Variants in HIVEP1 observed in about 807,000 individuals in gnomAD.
HIVEP1 encodes HIVEP zinc finger 1, also known as zinc finger protein 40.
HIVEP1 carries 36 observed loss-of-function variants against 180.0 expected under a neutral mutation model. The observed-to-expected ratio is 0.20, with a 90% CI of 0.15 to 0.26. HIVEP1 has a LOEUF of 0.26. HIVEP1 is among the 10% of genes least tolerant of loss of function. HIVEP1 has a pLI of 1.00. For synonymous variants in HIVEP1, 1,239 were observed against 1,239.0 expected (o/e 1.00, Z 0.00); for missense variants, 3,143 against 3,268.7 (o/e 0.96, Z 0.94).
the HIVEP1 span, among the ~76,000 whole-genome samples, chr6:12,209,740 A>T: frequency 6.6e-6 from 1 of 152,210 alleles, no homozygotes; most frequent in Non-Finnish European, 1.5e-5. Context: ...GCATAGATAC[A>T]CTTAATGTAG....
chr6:12,032,950 G>A (rs1260668229), intron 2 of HIVEP1, among the ~76,000 whole-genome samples: 2 of 152,162 alleles, frequency 1.3e-5, no homozygotes, highest in Non-Finnish European at 2.9e-5. Flanking sequence ...CCTTTCTAAA[G>A]TATAAATTTC....
the HIVEP1 span, among the ~76,000 whole-genome samples, chr6:12,177,587 G>A: frequency 6.6e-6 from 1 of 152,108 alleles, no homozygotes; most frequent in Non-Finnish European, 1.5e-5. Context: ...AGTGTTCAAA[G>A]TTCTCTCATT....
Position 12,163,507 on chromosome 6 carries a change from TGGG to T in HIVEP1, c.7207_7209del (p.Gly2403del). The stretch of plus-strand genomic sequence containing the variant: ...GGACACCTTATAATATGGTTCCAGT[TGGG>T]GGGATCCATGTGGTACCTGCTGGCC... On this transcript the variant is annotated inframe_deletion, in exon 9 of 9. Coordinates refer to ENST00000379388, the MANE Select transcript of HIVEP1 (RefSeq NM_002114.4). 1.2e-6 allele frequency: 2 copies of T among 1,614,148 alleles called. No individual in the cohort carries two copies. The highest frequency in any genetic ancestry group is 1.7e-6 in the Non-Finnish European group (2 of 1,180,022).
intron 2 of HIVEP1, among the ~76,000 whole-genome samples, chr6:12,032,913 A>G (rs1425728252): frequency 6.6e-6 from 1 of 152,246 alleles, no homozygotes; most frequent in Non-Finnish European, 1.5e-5. Flanking sequence ...CAGATATCCA[A>G]AATTTCCCAA....
chr6:12,091,302 G>A (rs959531347), intron 3 of HIVEP1, among the ~76,000 whole-genome samples: 4 of 151,898 alleles, frequency 2.6e-5, no homozygotes, highest in Admixed American at 6.5e-5. Flanking sequence ...TTTTTCTGAC[G>A]TACTTTGGGT....
At chr6:12,184,018 T>TAGACAGACAGACAGAC in the HIVEP1 span, among the ~76,000 whole-genome samples, 293 of 129,962 alleles carry the variant, frequency 2.3e-3, no homozygotes, top group Non-Finnish European at 4.1e-3. Context: ...GATAGATAGA[T>TAGACAGACAGACAGAC]AGATAGACAG....
chr6:12,107,772 G>T (rs960789836), intron 3 of HIVEP1, among the ~76,000 whole-genome samples: 2 of 152,174 alleles, frequency 1.3e-5, no homozygotes, highest in Admixed American at 6.5e-5. Flanking sequence ...GGACCCGAGC[G>T]GGTTGCCACT....
At chr6:12,208,323 C>A in the HIVEP1 span, among the ~76,000 whole-genome samples, 1 of 152,198 alleles carries the variant, frequency 6.6e-6, no homozygotes, top group South Asian at 2.1e-4. Flanking sequence ...TGTGATGAGC[C>A]CTGGGAACCC....
At chr6:12,204,699 G>T in the HIVEP1 span, among the ~76,000 whole-genome samples, 1 of 152,244 alleles carries the variant, frequency 6.6e-6, no homozygotes, top group African/African-American at 2.4e-5. Flanking sequence ...AGTACCTATT[G>T]CATGTTAAGT....
chr6:12,157,998 G>C (rs1366261531), intron 7 of HIVEP1, among the ~76,000 whole-genome samples: 1 of 152,166 alleles, frequency 6.6e-6, no homozygotes, highest in Non-Finnish European at 1.5e-5. Context: ...TCAGCTGAAA[G>C]TCCCATCTGT....
At chr6:12,025,150 A>G (rs1768495237) in intron 2 of HIVEP1, among the ~76,000 whole-genome samples, 1 of 152,168 alleles carries the variant, frequency 6.6e-6, no homozygotes. Context: ...AGGAGTCTGC[A>G]GTGCTTTTGC....
chr6:12,083,111 C>T (rs139750297), intron 2 of HIVEP1, among the ~76,000 whole-genome samples: 16 of 152,184 alleles, frequency 1.1e-4, no homozygotes, highest in African/African-American at 3.6e-4. Flanking sequence ...ACCCAGTTGG[C>T]CTTCTTCATA....
chr6:12,157,733 A>G (rs1760141367), intron 7 of HIVEP1, among the ~76,000 whole-genome samples: 1 of 151,952 alleles, frequency 6.6e-6, no homozygotes, highest in Non-Finnish European at 1.5e-5. Context: ...GTTTGTGTAG[A>G]TCCGGGCCTC....
chr6:12,115,409 G>C (rs752008999), intron 3 of HIVEP1, among the ~76,000 whole-genome samples: 1 of 97,130 alleles, frequency 1.0e-5, no homozygotes, highest in Non-Finnish European at 1.9e-5. Flanking sequence ...TTTCTAAGCT[G>C]TTCTTGACTC....
At chr6:12,051,481 T>G (rs1404900623) in intron 2 of HIVEP1, among the ~76,000 whole-genome samples, 1 of 152,162 alleles carries the variant, frequency 6.6e-6, no homozygotes, top group Non-Finnish European at 1.5e-5. Context: ...AAGTAACCAT[T>G]TAAGAATATT....
Position 12,063,486 on chromosome 6 carries a change from A to T in HIVEP1, c.41-25698A>T, listed in dbSNP as rs377054359. Among the ~76,000 whole-genome samples the T allele has an allele frequency of 3.0e-4, 46 of 152,198 alleles. No homozygotes were observed. The East Asian group carries it at 3.5e-3, about 12-fold the overall frequency. On this transcript the variant is annotated intron_variant, in intron 2 of 8. Transcript: ENST00000379388. The surrounding 1 kb of genome is among the most constrained non-coding windows in gnomAD (Gnocchi z 4.2). Reference sequence around the variant, plus strand: ...GGACATTGGTGGAAAGTGGGGAGGGAGGAGCTGGCTCATGTTGGCAGGTGT... The same window carrying T: ...GGACATTGGTGGAAAGTGGGGAGGGTGGAGCTGGCTCATGTTGGCAGGTGT...
the HIVEP1 span, among the ~76,000 whole-genome samples, chr6:12,199,115 G>T: frequency 2.6e-5 from 4 of 152,300 alleles, no homozygotes; most frequent in South Asian, 2.1e-4. Context: ...GGTCCTTACA[G>T]TCTGTAACAG....
At chr6:12,037,182 A>G (rs1399094317) in intron 2 of HIVEP1, among the ~76,000 whole-genome samples, 2 of 152,124 alleles carry the variant, frequency 1.3e-5, no homozygotes, top group Non-Finnish European at 2.9e-5. Context: ...GTGGGTGTAT[A>G]TCGTATTTTG....
At chr6:12,055,290 C>T (rs189763096) in intron 2 of HIVEP1, among the ~76,000 whole-genome samples, 43 of 152,172 alleles carry the variant, frequency 2.8e-4, no homozygotes, top group East Asian at 7.7e-4. Flanking sequence ...CTGGCCAACA[C>T]GGTGAAACTC....
Sources: gnomAD v4.1 joint callset for allele counts (sites outside exome capture counted in the v4.1 genomes callset) on GRCh38, gnomAD v4.1.1 for gene constraint, Gnocchi (gnomAD v3.1) non-coding constraint, MANE v1.5 for transcripts, NCBI Gene and HGNC (gene_info 2026-07-23, HGNC 2026-07-21) for gene names.